The following CCSER1 variants were observed in gnomAD, a reference collection of about 807,000 sequenced individuals.
CCSER1 encodes serine-rich coiled-coil domain-containing protein 1.
CCSER1 carries 41 observed loss-of-function variants against 82.0 expected under a neutral mutation model. That is an observed-to-expected ratio of 0.50 (90% confidence interval 0.39 to 0.65). The LOEUF (loss-of-function observed/expected upper bound fraction) is 0.65, where lower values mean the gene tolerates loss of function less well. Among genes scored for constraint, CCSER1 ranks in the 30% least tolerant of loss-of-function variants. The probability of loss-of-function intolerance (pLI) is 0.00; values close to 1 mark genes in which losing one functional copy is unlikely to be tolerated. For missense variants in CCSER1, 1,119 were observed against 1,064.2 expected (o/e 1.05, Z -0.72); for synonymous variants, 414 against 383.9 (o/e 1.08, Z -0.92).
chr4:90,934,474 A>G (rs1730673655), intron 9 of CCSER1, among the ~76,000 whole-genome samples: 1 of 152,166 alleles, frequency 6.6e-6, no homozygotes, highest in South Asian at 2.1e-4. Context: ...CTGAAAAAGT[A>G]TAAACCTTTC....
chr4:90,915,784 TCTC>T (rs2150215165), intron 8 of CCSER1, among the ~76,000 whole-genome samples: 1 of 151,932 alleles, frequency 6.6e-6, no homozygotes, highest in Admixed American at 6.5e-5. Flanking sequence ...CAGCCCAAAA[TCTC>T]CTTAAGCTGA....
chr4:90,838,737 A>G (rs1480397336), intron 8 of CCSER1, among the ~76,000 whole-genome samples: 1 of 152,212 alleles, frequency 6.6e-6, no homozygotes, highest in Non-Finnish European at 1.5e-5. Flanking sequence ...TGGGAAAGGC[A>G]GGCGCGGCCT....
intron 10 of CCSER1, among the ~76,000 whole-genome samples, chr4:91,278,706 G>T (rs994567511): frequency 2.6e-5 from 4 of 151,856 alleles, no homozygotes; most frequent in African/African-American, 9.7e-5. Context: ...GATATGTGAG[G>T]TTTTTTTCTT....
intron 10 of CCSER1, among the ~76,000 whole-genome samples, chr4:91,379,372 G>A (rs6815964): frequency 0.02 from 3,082 of 152,096 alleles, 75 homozygotes; most frequent in African/African-American, 0.067. Context: ...CTGTGAATCC[G>A]TCTGGTCCTG....
rs540988000 is a variant in CCSER1, at chr4:90,535,510, A to G, written c.1724+67156A>G. Among the ~76,000 whole-genome samples, 4 of 152,332 alleles carry G rather than the reference A, an allele frequency of 2.6e-5. No individual in the cohort carries two copies. The South Asian group carries it at 8.3e-4, about 32-fold the overall frequency. On this transcript the variant is annotated intron_variant, in intron 5 of 10. Coordinates refer to ENST00000509176, the MANE Select transcript of CCSER1 (RefSeq NM_001145065.2). Reference sequence around the variant, plus strand: ...CATTTGATTTAAAGAGAATTTTTTTAAAGAACTATATTGTTTACACTTAGC... The same window carrying G: ...CATTTGATTTAAAGAGAATTTTTTTGAAGAACTATATTGTTTACACTTAGC...
intron 10 of CCSER1, among the ~76,000 whole-genome samples, chr4:91,200,672 T>A (rs1340983170): frequency 6.6e-6 from 1 of 152,000 alleles, no homozygotes; most frequent in Non-Finnish European, 1.5e-5. Flanking sequence ...ACTATCCTGA[T>A]GTGAAACAAG....
chr4:90,494,896 C>T (rs988734000), intron 5 of CCSER1, among the ~76,000 whole-genome samples: 1 of 151,806 alleles, frequency 6.6e-6, no homozygotes, highest in Non-Finnish European at 1.5e-5. Flanking sequence ...TCTTTTTCAG[C>T]TCCTCGTACA....
chr4:91,150,238 G>A (rs886669685), intron 10 of CCSER1, among the ~76,000 whole-genome samples: 1 of 152,122 alleles, frequency 6.6e-6, no homozygotes, highest in African/African-American at 2.4e-5. Context: ...TCTCTGTGAA[G>A]AAATTGTGAT....
chr4:90,823,147 T>C (rs906891803), intron 8 of CCSER1, among the ~76,000 whole-genome samples: 1 of 151,996 alleles, frequency 6.6e-6, no homozygotes, highest in Non-Finnish European at 1.5e-5. Flanking sequence ...AATGAGAGAC[T>C]CTTTCCTAAG....
intron 9 of CCSER1, among the ~76,000 whole-genome samples, chr4:91,037,851 T>A (rs2150570602): frequency 6.6e-6 from 1 of 152,208 alleles, no homozygotes; most frequent in East Asian, 1.9e-4. Flanking sequence ...TTTAGAATGA[T>A]ACTTTTATAA....
At chr4:90,569,483 G>A (rs1293745430) in intron 5 of CCSER1, among the ~76,000 whole-genome samples, 2 of 152,178 alleles carry the variant, frequency 1.3e-5, no homozygotes, top group African/African-American at 2.4e-5. Flanking sequence ...TGGGCAACAG[G>A]ACTGGCCCCT....
chr4:91,132,766 C>T (rs1257410598), intron 10 of CCSER1, among the ~76,000 whole-genome samples: 2 of 152,098 alleles, frequency 1.3e-5, no homozygotes, highest in Non-Finnish European at 2.9e-5. Flanking sequence ...AACATTTAAG[C>T]TGAAACATAA....
At chr4:90,974,256 T>C (rs1052305053) in intron 9 of CCSER1, among the ~76,000 whole-genome samples, 2 of 151,416 alleles carry the variant, frequency 1.3e-5, no homozygotes, top group African/African-American at 4.9e-5. Flanking sequence ...TATATGTTAA[T>C]TGTCTTGATT....
intron 10 of CCSER1, among the ~76,000 whole-genome samples, chr4:91,239,116 C>G (rs1177259730): frequency 6.7e-6 from 1 of 150,370 alleles, no homozygotes; most frequent in African/African-American, 2.5e-5. Context: ...TGAGCCACTG[C>G]GCCCGGCCTA....
At chr4:90,998,226 A>G (rs1195423472) in intron 9 of CCSER1, among the ~76,000 whole-genome samples, 2 of 152,022 alleles carry the variant, frequency 1.3e-5, no homozygotes, top group South Asian at 2.1e-4. Context: ...GATTACAGGC[A>G]TGCGTCACCA....
intron 7 of CCSER1, among the ~76,000 whole-genome samples, chr4:90,801,614 A>T (rs1374285569): frequency 6.6e-6 from 1 of 152,202 alleles, no homozygotes; most frequent in Admixed American, 6.5e-5. Context: ...CTAAAAAAAT[A>T]CATTTCTAAC....
chr4:90,634,596 T>G (rs576616611), intron 6 of CCSER1, among the ~76,000 whole-genome samples: 1 of 151,896 alleles, frequency 6.6e-6, no homozygotes, highest in South Asian at 2.1e-4. Context: ...ATTTTATAAC[T>G]AAATGACATT....
chr4:90,602,611 C>A (rs57023376), intron 5 of CCSER1, among the ~76,000 whole-genome samples: 13,450 of 152,124 alleles, frequency 0.088, 775 homozygotes, highest in East Asian at 0.17. Flanking sequence ...TACATTTCCA[C>A]ATTTTCATGG....
At chr4:91,016,079 A>G (rs945717029) in intron 9 of CCSER1, among the ~76,000 whole-genome samples, 1 of 152,022 alleles carries the variant, frequency 6.6e-6, no homozygotes, top group Non-Finnish European at 1.5e-5. Context: ...ATTTTACACA[A>G]GCTGTTGGCT....
Sources: allele counts gnomAD v4.1 joint callset (sites outside exome capture counted in the v4.1 genomes callset), GRCh38; gene constraint gnomAD v4.1.1; transcripts MANE v1.5; gene names NCBI Gene and HGNC (gene_info 2026-07-23, HGNC 2026-07-21).